Variants in KAZN observed in about 807,000 individuals in gnomAD.
KAZN encodes kazrin, periplakin interacting protein, also known as kazrin.
KAZN carries 40 observed loss-of-function variants against 87.4 expected under a neutral mutation model. The ratio of observed to expected loss-of-function variants is 0.46; its 90% CI spans 0.36 to 0.60. The LOEUF is 0.60. Among genes scored for constraint, KAZN ranks in the 20% least tolerant of loss-of-function variants. KAZN has a pLI of 0.00. For missense variants in KAZN, 898 were observed against 1,073.9 expected (o/e 0.84, Z 2.29); for synonymous variants, 466 against 458.3 (o/e 1.02, Z -0.22).
chr1:14,422,993 A>G (rs1283608666), intron 2 of KAZN, among the ~76,000 whole-genome samples: 3 of 152,240 alleles, frequency 2.0e-5, no homozygotes, highest in Non-Finnish European at 4.4e-5. Flanking sequence ...GCAATAGTTT[A>G]TTAACTTTTA....
chr1:14,852,427 A>G (rs1024691074), intron 1 of KAZN, among the ~76,000 whole-genome samples: 1 of 152,174 alleles, frequency 6.6e-6, no homozygotes, highest in African/African-American at 2.4e-5. Flanking sequence ...GCGAATGAGG[A>G]GGAACCGGAG....
chr1:14,149,376 G>A (rs1429483712), intron 1 of KAZN, among the ~76,000 whole-genome samples: 1 of 151,866 alleles, frequency 6.6e-6, no homozygotes, highest in Non-Finnish European at 1.5e-5. Context: ...CAAAGTGCTG[G>A]GATTACAGGC....
chr1:13,900,261 A>G (rs1639200608), intron 1 of KAZN, among the ~76,000 whole-genome samples: 1 of 152,154 alleles, frequency 6.6e-6, no homozygotes, highest in Non-Finnish European at 1.5e-5. Context: ...TTAAAGGGAA[A>G]GAGACACATG....
intron 2 of KAZN, among the ~76,000 whole-genome samples, chr1:14,472,522 A>G (rs1046493804): frequency 2.0e-5 from 3 of 152,200 alleles, no homozygotes; most frequent in Non-Finnish European, 4.4e-5. Context: ...TCGTTGGCCA[A>G]AACAAGTCAC....
At position 14,184,626 on chromosome 1, in the gene KAZN, G is replaced by A. The variant is rs886971133; in HGVS notation, c.249+4034G>A. ...TCGTTTTTCTTTTCTCTTTTTAAAAGAGCTGTCTAGCAAACTCTTCTAGAT... is the reference window on the plus strand; with the variant it reads ...TCGTTTTTCTTTTCTCTTTTTAAAAAAGCTGTCTAGCAAACTCTTCTAGAT... On this transcript the variant is annotated intron_variant, in intron 2 of 16. Transcript: ENST00000636203. The surrounding 1 kb of genome is among the most constrained non-coding windows in gnomAD (Gnocchi z 4.2). Among the ~76,000 whole-genome samples the A allele has an allele frequency of 7.9e-5, 12 of 152,098 alleles. No homozygotes were observed. Among genetic ancestry groups the A allele is most frequent in the African/African-American group, 2.9e-4 (12 of 41,420 alleles).
At chr1:14,887,688 C>A (rs537468913) in intron 1 of KAZN, among the ~76,000 whole-genome samples, 13 of 142,894 alleles carry the variant, frequency 9.1e-5, no homozygotes, top group Non-Finnish European at 1.8e-4. Context: ...TTTTTGCGGT[C>A]GTGCTCCCAG....
At chr1:14,418,890 C>T (rs1665080557) in intron 2 of KAZN, among the ~76,000 whole-genome samples, 1 of 152,198 alleles carries the variant, frequency 6.6e-6, no homozygotes, top group Non-Finnish European at 1.5e-5. Context: ...AATAAGGCTT[C>T]TGCATCTGCA....
intron 2 of KAZN, among the ~76,000 whole-genome samples, chr1:14,451,714 A>G (rs973186259): frequency 6.6e-6 from 1 of 152,106 alleles, no homozygotes; most frequent in African/African-American, 2.4e-5. Context: ...TGAAGACCCA[A>G]GAGAGTGGGC....
intron 2 of KAZN, among the ~76,000 whole-genome samples, chr1:14,255,725 G>A (rs1312152006): frequency 6.6e-6 from 1 of 152,202 alleles, no homozygotes; most frequent in East Asian, 1.9e-4. Flanking sequence ...TTACAAGTGT[G>A]ACATCGTTTT....
chr1:14,935,101 C>G lies in KAZN; in HGVS notation c.227-25583C>G, dbSNP rs531233291. Among the ~76,000 whole-genome samples, 9 of 152,290 alleles carry G rather than the reference C, an allele frequency of 5.9e-5. No individual in the cohort carries two copies. In the East Asian group the frequency reaches 1.7e-3, roughly 29 times the overall value. On this transcript the variant is annotated intron_variant, in intron 1 of 14. Transcript: ENST00000376030. ...CCCTCCTGGGTGCACCAGCGGCTGA[C>G]CAAGGGGCAAACCTGCATCCCTGGT...
At chr1:13,998,678 A>G (rs960468072) in intron 1 of KAZN, among the ~76,000 whole-genome samples, 1 of 152,206 alleles carries the variant, frequency 6.6e-6, no homozygotes, top group Non-Finnish European at 1.5e-5. Flanking sequence ...TATTCTAAAT[A>G]TATATGCACC....
intron 2 of KAZN, among the ~76,000 whole-genome samples, chr1:14,191,262 T>C: frequency 6.6e-6 from 1 of 152,268 alleles, no homozygotes; most frequent in Non-Finnish European, 1.5e-5. Flanking sequence ...GCAGTTTGTT[T>C]TGGCAATGGA....
At chr1:14,881,747 AC>A (rs1653362727) in intron 1 of KAZN, among the ~76,000 whole-genome samples, 1 of 152,268 alleles carries the variant, frequency 6.6e-6, no homozygotes, top group Non-Finnish European at 1.5e-5. Flanking sequence ...CCTCATATGA[AC>A]CATTTTGAAT....
chr1:14,854,533 C>T (rs705576), intron 1 of KAZN, among the ~76,000 whole-genome samples: 76,549 of 151,908 alleles, frequency 0.5, 20,428 homozygotes, highest in South Asian at 0.68. Flanking sequence ...TGCAGACCCA[C>T]GTGAAGAGAC....
chr1:14,408,998 A>G (rs1409191592), intron 2 of KAZN, among the ~76,000 whole-genome samples: 1 of 152,158 alleles, frequency 6.6e-6, no homozygotes, highest in Non-Finnish European at 1.5e-5. Flanking sequence ...AGAGCCAACT[A>G]TGGGAAAACA....
intron 1 of KAZN, among the ~76,000 whole-genome samples, chr1:14,080,617 G>A (rs891710254): frequency 1.3e-5 from 2 of 152,172 alleles, no homozygotes; most frequent in African/African-American, 4.8e-5. Flanking sequence ...GTCATTTTGA[G>A]GATTAAATGA....
intron 2 of KAZN, among the ~76,000 whole-genome samples, chr1:14,315,184 C>T (rs1344085011): frequency 6.6e-6 from 1 of 152,004 alleles, no homozygotes; most frequent in Non-Finnish European, 1.5e-5. Flanking sequence ...TTCCCTTGTT[C>T]TTTATCTGTC....
chr1:14,398,747 T>C (rs945822357), intron 2 of KAZN, among the ~76,000 whole-genome samples: 3 of 152,190 alleles, frequency 2.0e-5, no homozygotes, highest in Non-Finnish European at 4.4e-5. Context: ...GCTTTTCTCC[T>C]ACACGGAACT....
chr1:14,810,436 C>A (rs772143357), intron 1 of KAZN, among the ~76,000 whole-genome samples: 3 of 152,110 alleles, frequency 2.0e-5, no homozygotes, highest in Non-Finnish European at 4.4e-5. Flanking sequence ...CATCCTCAGC[C>A]CCCAGCCATT....
Sources: gnomAD v4.1 joint callset for allele counts (sites outside exome capture counted in the v4.1 genomes callset) on GRCh38, gnomAD v4.1.1 for gene constraint, Gnocchi (gnomAD v3.1) non-coding constraint, MANE v1.5 for transcripts, NCBI Gene and HGNC (gene_info 2026-07-23, HGNC 2026-07-21) for gene names.